Variants in TAFA1 observed in about 807,000 individuals in gnomAD.
The protein encoded by TAFA1 is chemokine-like protein TAFA-1.
TAFA1 carries 4 observed loss-of-function variants against 18.5 expected under a neutral mutation model. That is an observed-to-expected ratio of 0.22 (90% CI 0.11 to 0.49). The LOEUF is 0.49. Among genes scored for constraint, TAFA1 ranks in the 20% least tolerant of loss-of-function variants. The pLI, the probability that TAFA1 is intolerant of heterozygous loss-of-function variation, is 0.98. For missense variants in TAFA1, 147 were observed against 169.0 expected, an observed-to-expected ratio of 0.87 and a Z score of 0.72; for synonymous variants, 56 against 55.2, an observed-to-expected ratio of 1.01 and a Z score of -0.06.
intron 2 of TAFA1, among the ~76,000 whole-genome samples, chr3:68,365,197 A>G (rs761470191): frequency 2.0e-5 from 3 of 152,206 alleles, no homozygotes; most frequent in Non-Finnish European, 4.4e-5. Flanking sequence ...CATTTTGCAG[A>G]TGGGAAAACT....
intron 2 of TAFA1, among the ~76,000 whole-genome samples, chr3:68,203,399 A>G (rs1257484425): frequency 2.6e-5 from 4 of 151,676 alleles, no homozygotes; most frequent in Non-Finnish European, 1.5e-5. Flanking sequence ...AGCATTCCTG[A>G]CATGTCTGTT....
At chr3:68,377,368 C>G (rs1373622081) in intron 2 of TAFA1, among the ~76,000 whole-genome samples, 1 of 152,166 alleles carries the variant, frequency 6.6e-6, no homozygotes, top group Non-Finnish European at 1.5e-5. Flanking sequence ...TTAGATGGAG[C>G]TGAGGAACTT....
At chr3:68,531,213 G>C (rs189245388) in intron 3 of TAFA1, among the ~76,000 whole-genome samples, 1 of 152,252 alleles carries the variant, frequency 6.6e-6, no homozygotes, top group African/African-American at 2.4e-5. Context: ...GTTAACAGCA[G>C]CGTATCCATG....
intron 2 of TAFA1, among the ~76,000 whole-genome samples, chr3:68,127,574 G>GCT (rs1349078000): frequency 2.5e-4 from 1 of 3,972 alleles, no homozygotes; most frequent in African/African-American, 9.0e-4. Flanking sequence ...TGATGGTAGT[G>GCT]GTGGTAGTGA....
At chr3:68,404,823 G>C (rs1444391441) in intron 2 of TAFA1, among the ~76,000 whole-genome samples, 1 of 151,792 alleles carries the variant, frequency 6.6e-6, no homozygotes, top group Non-Finnish European at 1.5e-5. Context: ...AAAAAGGATG[G>C]CTGGATTTGC....
intron 2 of TAFA1, among the ~76,000 whole-genome samples, chr3:68,125,746 A>G (rs577837105): frequency 6.6e-6 from 1 of 152,284 alleles, no homozygotes; most frequent in African/African-American, 2.4e-5. Flanking sequence ...GTGCTGTGGC[A>G]GCTCAGACTC....
chr3:68,060,569 C>T (rs911236281), intron 2 of TAFA1, among the ~76,000 whole-genome samples: 28 of 152,162 alleles, frequency 1.8e-4, no homozygotes, highest in Non-Finnish European at 2.5e-4. Flanking sequence ...ATGGTGGGTC[C>T]TTCTCCAGAA....
intron 2 of TAFA1, among the ~76,000 whole-genome samples, chr3:68,402,144 A>G (rs1046185849): frequency 3.3e-5 from 5 of 152,186 alleles, no homozygotes; most frequent in African/African-American, 9.7e-5. Context: ...ATTAGTGAGC[A>G]TGAGATTTCC....
intron 2 of TAFA1, among the ~76,000 whole-genome samples, chr3:68,266,070 G>T (rs2067539101): frequency 6.6e-6 from 1 of 152,148 alleles, no homozygotes; most frequent in African/African-American, 2.4e-5. Flanking sequence ...TGCATGTCAG[G>T]ACATAAAATG....
intron 2 of TAFA1, among the ~76,000 whole-genome samples, chr3:68,181,798 C>G (rs1024472881): frequency 6.6e-6 from 1 of 152,116 alleles, no homozygotes; most frequent in African/African-American, 2.4e-5. Flanking sequence ...GTGGAGGTTG[C>G]AACACTTTCA....
chr3:68,385,235 A>T (rs1281153298), intron 2 of TAFA1, among the ~76,000 whole-genome samples: 1 of 152,108 alleles, frequency 6.6e-6, no homozygotes, highest in Admixed American at 6.6e-5. Context: ...GGTGGAAAGA[A>T]CTGTTTTCAA....
chr3:68,346,015 CT>C (rs1215997447), intron 2 of TAFA1, among the ~76,000 whole-genome samples: 1 of 151,920 alleles, frequency 6.6e-6, no homozygotes, highest in Non-Finnish European at 1.5e-5. Flanking sequence ...CTTCGCAGCT[CT>C]TTTTTTTACA....
At position 68,293,544 on chromosome 3, in the gene TAFA1, T is replaced by C. The variant is rs145080052; in HGVS notation, c.119-123736T>C. 4.2e-3 allele frequency among the ~76,000 whole-genome samples: 640 copies of C among 152,332 alleles called. 5 individuals carry two copies. Among genetic ancestry groups the C allele is most frequent in the Non-Finnish European group, 7.0e-3 (477 of 68,030 alleles). On this transcript the variant is annotated intron_variant, in intron 2 of 4. Transcript: ENST00000478136. ...TCACTTCTTTCTAGATATATGATCA[T>C]AGGCAAACTGTATAACCAGTCCTGT...
At chr3:67,997,766 T>G in the TAFA1 span, among the ~76,000 whole-genome samples, 2 of 152,030 alleles carry the variant, frequency 1.3e-5, no homozygotes, top group African/African-American at 2.4e-5. Context: ...CCACTGACAC[T>G]ATGTAGGATC....
At chr3:68,381,866 C>T (rs925113477) in intron 2 of TAFA1, among the ~76,000 whole-genome samples, 26 of 152,276 alleles carry the variant, frequency 1.7e-4, no homozygotes, top group African/African-American at 5.8e-4. Context: ...AAAGGGAATG[C>T]TTCCAGTTTT....
At chr3:68,268,625 C>T (rs2067594491) in intron 2 of TAFA1, among the ~76,000 whole-genome samples, 3 of 152,136 alleles carry the variant, frequency 2.0e-5, no homozygotes, top group African/African-American at 4.8e-5. Context: ...GACCAGGCAC[C>T]CTGACACAGG....
chr3:68,450,148 T>C (rs1041615343), intron 3 of TAFA1, among the ~76,000 whole-genome samples: 9 of 152,120 alleles, frequency 5.9e-5, no homozygotes, highest in African/African-American at 1.2e-4. Flanking sequence ...AAACAATCCA[T>C]TGGAGACAAT....
chr3:68,140,119 G>A (rs1419138284), intron 2 of TAFA1, among the ~76,000 whole-genome samples: 2 of 152,172 alleles, frequency 1.3e-5, no homozygotes, highest in African/African-American at 4.8e-5. Context: ...GGTTAATTGA[G>A]GTGGCCTCAG....
intron 2 of TAFA1, among the ~76,000 whole-genome samples, chr3:68,193,141 A>C (rs1383388520): frequency 6.6e-6 from 1 of 151,800 alleles, no homozygotes; most frequent in African/African-American, 2.4e-5. Context: ...TCCTAAATAA[A>C]AAATAAGCTC....
Sources: gnomAD v4.1 joint callset for allele counts (sites outside exome capture counted in the v4.1 genomes callset) on GRCh38, gnomAD v4.1.1 for gene constraint, MANE v1.5 for transcripts, NCBI Gene and HGNC (gene_info 2026-07-23, HGNC 2026-07-21) for gene names.